CACNA1E: variants seen among roughly 807,000 people sequenced by gnomAD.
The protein encoded by CACNA1E is calcium voltage-gated channel subunit alpha1 E.
A neutral mutation model predicts 259.2 loss-of-function variants in CACNA1E; 40 were observed. The ratio of observed to expected loss-of-function variants is 0.15; its 90% CI spans 0.12 to 0.20. CACNA1E has a LOEUF of 0.20. Among genes scored for constraint, CACNA1E ranks in the 10% least tolerant of loss-of-function variants. The probability of loss-of-function intolerance (pLI) is 1.00; values close to 1 mark genes in which losing one functional copy is unlikely to be tolerated. For synonymous variants in CACNA1E, 1,104 were observed against 1,138.5 expected, an observed-to-expected ratio of 0.97 and a Z score of 0.61; for missense variants, 1,874 against 3,040.1, an observed-to-expected ratio of 0.62 and a Z score of 9.02.
chr1:181,559,694 C>T (rs185496924), intron 3 of CACNA1E, among the ~76,000 whole-genome samples: 12 of 152,220 alleles, frequency 7.9e-5, no homozygotes, highest in East Asian at 3.9e-4. Flanking sequence ...GTCATTTTCA[C>T]GGAGTGAGGA....
At chr1:181,440,813 T>C (rs1660410920) in intron 2 of CACNA1E, among the ~76,000 whole-genome samples, 1 of 151,458 alleles carries the variant, frequency 6.6e-6, no homozygotes, top group Non-Finnish European at 1.5e-5. Context: ...GAGAGCCCTG[T>C]CTCCACAAAA....
At chr1:181,547,541 T>C (rs895425557) in intron 3 of CACNA1E, among the ~76,000 whole-genome samples, 4 of 152,236 alleles carry the variant, frequency 2.6e-5, no homozygotes, top group Non-Finnish European at 5.9e-5. Flanking sequence ...GGGCAGTAAC[T>C]TGCCACTGAC....
intron 46 of CACNA1E, 27 bp downstream of exon 46, chr1:181,795,071 T>C (rs1463951437): frequency 2.5e-6 from 4 of 1,599,990 alleles, no homozygotes; most frequent in Middle Eastern, 1.7e-4. Context: ...TGTCCAGCTC[T>C]TTCATCAGGC....
At chr1:181,742,354 G>T (rs893804611) in intron 25 of CACNA1E, among the ~76,000 whole-genome samples, 12 of 152,174 alleles carry the variant, frequency 7.9e-5, no homozygotes, top group African/African-American at 2.7e-4. Context: ...CAAATGTGGG[G>T]TTGTCTGCAG....
Position 181,682,092 on chromosome 1 carries a change from G to A in CACNA1E, c.1056-28862G>A, listed in dbSNP as rs553530019. Among the ~76,000 whole-genome samples, 24 of 152,272 alleles carry A rather than the reference G, an allele frequency of 1.6e-4. 1 individual carries two copies. In the East Asian group the frequency reaches 1.9e-3, roughly 12 times the overall value. On this transcript the variant is annotated intron_variant, in intron 7 of 47. Coordinates refer to ENST00000367573, the MANE Select transcript of CACNA1E (RefSeq NM_001205293.3). ...ACATCCAATGTTGGGGGCCAAGAAG[G>A]CTGGGAGCCAAAAGTATTATGTGAG...
intron 1 of CACNA1E, among the ~76,000 whole-genome samples, chr1:181,326,363 T>C (rs1336652447): frequency 6.6e-6 from 1 of 152,202 alleles, no homozygotes; most frequent in Non-Finnish European, 1.5e-5. Flanking sequence ...ATCAGTAACA[T>C]CTTGGTGCTC....
intron 25 of CACNA1E, among the ~76,000 whole-genome samples, chr1:181,750,226 C>T (rs1386750267): frequency 6.6e-6 from 1 of 152,278 alleles, no homozygotes; most frequent in African/African-American, 2.4e-5. Flanking sequence ...GCCTTCGCCC[C>T]TGCAGGCTGG....
intron 24 of CACNA1E, 41 bp downstream of exon 24, chr1:181,738,467 T>C: frequency 6.7e-7 from 1 of 1,487,898 alleles, no homozygotes; most frequent in Non-Finnish European, 9.4e-7. Flanking sequence ...TGGGTTTAGA[T>C]GGGTCACCTG....
At chr1:181,606,257 A>T (rs1385782325) in intron 6 of CACNA1E, among the ~76,000 whole-genome samples, 2 of 152,076 alleles carry the variant, frequency 1.3e-5, no homozygotes, top group African/African-American at 4.8e-5. Flanking sequence ...CAAGCCTTCA[A>T]CTGAGGGCTT....
intron 7 of CACNA1E, among the ~76,000 whole-genome samples, chr1:181,691,116 T>C (rs1166723689): frequency 6.6e-6 from 1 of 152,048 alleles, no homozygotes; most frequent in Non-Finnish European, 1.5e-5. Flanking sequence ...TTGACTTATT[T>C]AAGATCTTCA....
At chr1:181,702,670 CT>C (rs1380756107) in intron 7 of CACNA1E, among the ~76,000 whole-genome samples, 1 of 152,128 alleles carries the variant, frequency 6.6e-6, no homozygotes, top group Non-Finnish European at 1.5e-5. Flanking sequence ...CTGCAAGATG[CT>C]TCTGCCCCAC....
intron 3 of CACNA1E, among the ~76,000 whole-genome samples, chr1:181,522,786 G>A (rs1667085850): frequency 6.6e-6 from 1 of 152,172 alleles, no homozygotes; most frequent in Non-Finnish European, 1.5e-5. Flanking sequence ...CACCCAGATG[G>A]ATCCTTCACA....
chr1:181,672,827 G>T (rs188609007), intron 7 of CACNA1E, among the ~76,000 whole-genome samples: 133 of 152,350 alleles, frequency 8.7e-4, no homozygotes, highest in South Asian at 1.2e-3. Flanking sequence ...AATTTGAGAA[G>T]TTGGTGGCAT....
chr1:181,510,563 C>T lies in CACNA1E; in HGVS notation c.353C>T (p.Thr118Ile). The T allele has an allele frequency of 6.2e-7, 1 of 1,611,020 alleles. No homozygotes were observed. Among genetic ancestry groups the T allele is most frequent in the Non-Finnish European group, 8.5e-7 (1 of 1,177,174 alleles). Reference sequence around the variant, plus strand: ...CAGCATCTTCCTGAGGATGACAAGACCCCCATGTCCCGAAGACTGGTATGT... The same window carrying T: ...CAGCATCTTCCTGAGGATGACAAGATCCCCATGTCCCGAAGACTGGTATGT... ...LEQHLPEDDK[T>I]PMSRRLEKTE... The change falls in exon 2 of 48, where the codon ACC becomes ATC. Residue 118 changes from threonine (T) to isoleucine (I), a missense_variant. By Grantham distance (89) the Thr-to-Ile change is moderately conservative. Coordinates refer to ENST00000367573, the MANE Select transcript of CACNA1E (RefSeq NM_001205293.3).
intron 1 of CACNA1E, among the ~76,000 whole-genome samples, chr1:181,492,977 A>C (rs1044730398): frequency 2.0e-5 from 3 of 152,064 alleles, no homozygotes; most frequent in Admixed American, 2.0e-4. Context: ...TGTCTAGATG[A>C]CCTCAGTAAG....
chr1:181,591,373 A>G (rs80120959), intron 6 of CACNA1E, among the ~76,000 whole-genome samples: 38 of 152,366 alleles, frequency 2.5e-4, no homozygotes, highest in African/African-American at 8.7e-4. Flanking sequence ...TGATCACACT[A>G]TTACCTTTCT....
At chr1:181,707,906 C>G (rs1308078742) in intron 7 of CACNA1E, among the ~76,000 whole-genome samples, 1 of 152,190 alleles carries the variant, frequency 6.6e-6, no homozygotes, top group African/African-American at 2.4e-5. Flanking sequence ...AGACATACAG[C>G]TGACCATAGT....
chr1:181,328,861 C>T (rs1651007079), intron 1 of CACNA1E, among the ~76,000 whole-genome samples: 1 of 152,158 alleles, frequency 6.6e-6, no homozygotes, highest in Admixed American at 6.5e-5. Context: ...CCTGTGACTC[C>T]TAGAGGTCTG....
chr1:181,637,245 G>T (rs1176789450), intron 6 of CACNA1E, among the ~76,000 whole-genome samples: 2 of 152,188 alleles, frequency 1.3e-5, no homozygotes, highest in Non-Finnish European at 2.9e-5. Context: ...GAGAGGATTA[G>T]AAGTTCTTTG....
Sources: allele counts gnomAD v4.1 joint callset (sites outside exome capture counted in the v4.1 genomes callset), GRCh38; gene constraint gnomAD v4.1.1; transcripts MANE v1.5; gene names NCBI Gene and HGNC (gene_info 2026-07-23, HGNC 2026-07-21).